The following ATG4A variants were observed in gnomAD, a reference collection of about 807,000 sequenced individuals.
The protein encoded by ATG4A is cysteine protease ATG4A.
In ATG4A, 22 loss-of-function variants were observed where a neutral mutation model predicts 38.4. The ratio of observed to expected loss-of-function variants is 0.57; its 90% CI spans 0.41 to 0.82. ATG4A has a LOEUF of 0.82. Ranked by LOEUF, ATG4A falls within the 40% of genes least tolerant of loss-of-function variation. ATG4A has a pLI of 0.00. For missense variants in ATG4A, 220 were observed against 290.0 expected, an observed-to-expected ratio of 0.76 and a Z score of 1.75; for synonymous variants, 86 against 100.7, an observed-to-expected ratio of 0.85 and a Z score of 0.88.
intron 1 of ATG4A, among the ~76,000 whole-genome samples, chrX:108,113,022 T>C (rs73251788): frequency 0.053 from 5,937 of 111,260 alleles, 134 homozygotes; most frequent in East Asian, 0.094. Context: ...GGCTTCTTCA[T>C]TGGACTTGAT....
intron 9 of ATG4A, among the ~76,000 whole-genome samples, chrX:108,142,140 C>G (rs923897764): frequency 9.0e-6 from 1 of 111,676 alleles, no homozygotes; most frequent in African/African-American, 3.3e-5. Flanking sequence ...GGCGCAGTGG[C>G]TCACACTTGT....
chrX:108,128,463 G>T (rs1017603903), intron 2 of ATG4A, among the ~76,000 whole-genome samples: 14 of 111,306 alleles, frequency 1.3e-4, no homozygotes, highest in Non-Finnish European at 1.5e-4. Flanking sequence ...GGGTTCTCTA[G>T]GATCCTTAAT....
At chrX:108,148,473 A>C (rs1424020103) in intron 9 of ATG4A, among the ~76,000 whole-genome samples, 1 of 105,673 alleles carries the variant, frequency 9.5e-6, no homozygotes, top group African/African-American at 3.5e-5. Flanking sequence ...GTCTCAAAAA[A>C]AAAAAAAAAA....
intron 1 of ATG4A, among the ~76,000 whole-genome samples, chrX:108,119,834 T>C (rs965031480): frequency 2.7e-5 from 3 of 112,389 alleles, no homozygotes; most frequent in Non-Finnish European, 5.6e-5. Flanking sequence ...ACTATTCATT[T>C]TGATTAAATA....
At chrX:108,148,568 GGTCAGA>G (rs2033497979) in intron 9 of ATG4A, among the ~76,000 whole-genome samples, 1 of 109,022 alleles carries the variant, frequency 9.2e-6, no homozygotes, top group African/African-American at 3.4e-5. Context: ...AAAAGGTCCT[GGTCAGA>G]GTCAGAGAAG....
At chrX:108,127,006 T>G (rs1472029251) in intron 2 of ATG4A, 2 of 244,538 alleles carry the variant, frequency 8.2e-6, no homozygotes, top group Non-Finnish European at 7.9e-6. Flanking sequence ...TGAGCCTGGC[T>G]TCATTATTTT....
intron 1 of ATG4A, among the ~76,000 whole-genome samples, chrX:108,102,298 C>T (rs1298431459): frequency 9.0e-6 from 1 of 111,331 alleles, no homozygotes; most frequent in African/African-American, 3.3e-5. Context: ...TTTGCATTTC[C>T]CTGACAATTA....
chrX:108,142,505 TACACAC>T (rs746647029), intron 9 of ATG4A, among the ~76,000 whole-genome samples: 1 of 106,612 alleles, frequency 9.4e-6, no homozygotes, highest in African/African-American at 3.4e-5. Flanking sequence ...ATAACATACA[TACACAC>T]ACACACACAC....
At chrX:108,091,860 A>C (rs765651070) in intron 1 of ATG4A, 24 bp downstream of exon 1, 1 of 1,208,979 alleles carries the variant, frequency 8.3e-7, no homozygotes, top group African/African-American at 1.8e-5. Context: ...CTTTGAGTGG[A>C]ACCGTGTGAA....
chrX:108,114,856 GC>G (rs1010627062), intron 1 of ATG4A, among the ~76,000 whole-genome samples: 1 of 111,690 alleles, frequency 9.0e-6, no homozygotes, highest in African/African-American at 3.3e-5. Flanking sequence ...AGGCACTGGA[GC>G]CATCTCAGCC....
chrX:108,149,859 C>T (rs988132599), intron 9 of ATG4A, among the ~76,000 whole-genome samples: 1 of 112,487 alleles, frequency 8.9e-6, no homozygotes, highest in Non-Finnish European at 1.9e-5. Context: ...ACAGAGCCTG[C>T]CATGCCATCT....
Position 108,100,310 on chromosome X carries a change from A to G in ATG4A, c.10+8474A>G, listed in dbSNP as rs2031967457. On this transcript the variant is annotated intron_variant, in intron 1 of 12. Transcript: ENST00000372232. ...TTTGTATGATAGTTTTGCATATTGA[A>G]ACCTTGCTGAATTCACTGATTAGTT... Among the ~76,000 whole-genome samples, 4 of 111,650 alleles carry G rather than the reference A, an allele frequency of 3.6e-5. No homozygotes were observed. In the South Asian group the frequency reaches 1.5e-3, roughly 42 times the overall value.
chrX:108,147,074 C>G (rs2033443313), intron 9 of ATG4A, among the ~76,000 whole-genome samples: 2 of 111,622 alleles, frequency 1.8e-5, no homozygotes, highest in South Asian at 3.8e-4. Context: ...GGGTCACACT[C>G]TCAACCTCAC....
chrX:108,099,232 A>T (rs1258611860), intron 1 of ATG4A, among the ~76,000 whole-genome samples: 2 of 111,366 alleles, frequency 1.8e-5, no homozygotes, highest in Non-Finnish European at 3.8e-5. Context: ...ATTTGCATTT[A>T]TCTGATGGCT....
chrX:108,110,419 C>T (rs921592971), intron 1 of ATG4A, among the ~76,000 whole-genome samples: 1 of 109,784 alleles, frequency 9.1e-6, no homozygotes, highest in Admixed American at 9.8e-5. Flanking sequence ...ATTAGCATAT[C>T]CATCATCTGA....
At chrX:108,129,814 C>T (rs1244652186) in intron 3 of ATG4A, among the ~76,000 whole-genome samples, 1 of 108,947 alleles carries the variant, frequency 9.2e-6, no homozygotes, top group Non-Finnish European at 1.9e-5. Flanking sequence ...TCGTGATCCG[C>T]CCACCTCGGC....
chrX:108,150,586 C>T (rs1227190529), intron 10 of ATG4A, among the ~76,000 whole-genome samples: 7 of 112,904 alleles, frequency 6.2e-5, no homozygotes. Context: ...CTCACAGTTC[C>T]ACATGGCTGG....
chrX:108,121,569 C>T (rs1569305334), intron 1 of ATG4A, among the ~76,000 whole-genome samples: 1 of 111,450 alleles, frequency 9.0e-6, no homozygotes, highest in East Asian at 2.8e-4. Context: ...ATCAGGAATT[C>T]CCTCCCGTCC....
At chrX:108,090,245 G>T (rs1182945191), upstream of ATG4A, among the ~76,000 whole-genome samples, 1 of 111,876 alleles carries the variant, frequency 8.9e-6, no homozygotes, top group African/African-American at 3.3e-5. Flanking sequence ...TCTGTATTCA[G>T]ATTGCCCCCA....
Sources: allele counts gnomAD v4.1 joint callset (sites outside exome capture counted in the v4.1 genomes callset), GRCh38; gene constraint gnomAD v4.1.1; transcripts MANE v1.5; gene names NCBI Gene and HGNC (gene_info 2026-07-23, HGNC 2026-07-21).